GALM: variants seen among roughly 807,000 people sequenced by gnomAD.
GALM encodes aldose 1-epimerase.
A neutral mutation model predicts 37.4 loss-of-function variants in GALM; 43 were observed. That is an observed-to-expected ratio of 1.15 (90% confidence interval 0.90 to 1.48). The LOEUF is 1.48. GALM is among the 40% of genes most tolerant of loss of function. The pLI is 0.00. For missense variants in GALM, 456 were observed against 419.1 expected (o/e 1.09, Z -0.77); for synonymous variants, 199 against 170.6 (o/e 1.17, Z -1.30).
intron 1 of GALM, among the ~76,000 whole-genome samples, chr2:38,670,741 A>G (rs1265037702): frequency 6.6e-6 from 1 of 152,156 alleles, no homozygotes; most frequent in Admixed American, 6.6e-5. Context: ...ACTCTACTAG[A>G]ACTTTTTATT....
intron 4 of GALM, among the ~76,000 whole-genome samples, chr2:38,707,469 T>G (rs879214072): frequency 1.3e-5 from 2 of 152,066 alleles, no homozygotes; most frequent in Admixed American, 1.3e-4. Flanking sequence ...TGTCTAGAAG[T>G]CTTGGAGTGA....
chr2:38,690,511 A>T (rs1305342872), intron 4 of GALM, among the ~76,000 whole-genome samples: 2 of 151,984 alleles, frequency 1.3e-5, no homozygotes, highest in Admixed American at 1.3e-4. Context: ...ATCTCAGCTC[A>T]CTGCTGCCTA....
At position 38,693,029 on chromosome 2, in the gene GALM, T is replaced by G. The variant is rs536819569; in HGVS notation, c.634+3135T>G. On this transcript the variant is annotated intron_variant, in intron 4 of 6. Transcript: ENST00000272252. ...TGTACCAGGCTCTGTGGAACTGCAATCCCTAGGGTGGCCCTGGGTGGCCCC... is the reference window on the plus strand; with the variant it reads ...TGTACCAGGCTCTGTGGAACTGCAAGCCCTAGGGTGGCCCTGGGTGGCCCC... 2.6e-5 allele frequency among the ~76,000 whole-genome samples: 4 copies of G among 152,218 alleles called. No individual in the cohort carries two copies. The East Asian group carries it at 7.7e-4, about 29-fold the overall frequency.
At chr2:38,731,390 C>CT (rs1447109522) in intron 5 of GALM, among the ~76,000 whole-genome samples, 1 of 91,970 alleles carries the variant, frequency 1.1e-5, no homozygotes, top group Non-Finnish European at 2.1e-5. Context: ...GAGAAAGACT[C>CT]TATTTCAAAA....
chr2:38,702,393 C>T (rs1254538037), intron 4 of GALM, among the ~76,000 whole-genome samples: 16 of 151,666 alleles, frequency 1.1e-4, no homozygotes, highest in Admixed American at 9.2e-4. Flanking sequence ...GGTCAAAAAA[C>T]AAAAACAAAA....
At chr2:38,725,962 T>G (rs1006376362) in intron 4 of GALM, among the ~76,000 whole-genome samples, 2 of 152,008 alleles carry the variant, frequency 1.3e-5, no homozygotes, top group African/African-American at 4.8e-5. Context: ...TCCGCCCACC[T>G]CAGCCTCCCA....
intron 4 of GALM, among the ~76,000 whole-genome samples, chr2:38,707,778 C>G (rs2148446690): frequency 6.6e-6 from 1 of 152,120 alleles, no homozygotes; most frequent in South Asian, 2.1e-4. Context: ...GCCAGGAGTT[C>G]AGGACACAGC....
intron 3 of GALM, 80 bp from the exon 4 acceptor site, chr2:38,689,733 C>T: frequency 9.5e-6 from 8 of 846,404 alleles, no homozygotes; most frequent in Non-Finnish European, 1.5e-5. Flanking sequence ...TGCCTGAAAA[C>T]ATTTTTGCAA....
At chr2:38,693,388 C>A (rs946035453) in intron 4 of GALM, among the ~76,000 whole-genome samples, 3 of 150,678 alleles carry the variant, frequency 2.0e-5, no homozygotes, top group African/African-American at 7.3e-5. Flanking sequence ...GAGGCTGAGG[C>A]AGGAGAATCG....
At chr2:38,689,425 C>T (rs1310372755) in intron 3 of GALM, among the ~76,000 whole-genome samples, 1 of 152,156 alleles carries the variant, frequency 6.6e-6, no homozygotes, top group Non-Finnish European at 1.5e-5. Flanking sequence ...GGAGCAGTAC[C>T]CTGACCTCTC....
chr2:38,714,239 G>A lies in GALM; in HGVS notation c.635-15317G>A, dbSNP rs145240370. On this transcript the variant is annotated intron_variant, in intron 4 of 6. Coordinates refer to ENST00000272252, the MANE Select transcript of GALM (RefSeq NM_138801.3). The stretch of plus-strand genomic sequence containing the variant: ...GGGGGGGTTGTTGTTTTTTGAGATG[G>A]AGTCTTGCTCTGTTGCCCAGGCGGG... Among the ~76,000 whole-genome samples the A allele has an allele frequency of 9.6e-3, 1,459 of 152,020 alleles. 31 individuals carry two copies. Among genetic ancestry groups the A allele is most frequent in the African/African-American group, 0.034 (1,397 of 41,454 alleles).
intron 1 of GALM, among the ~76,000 whole-genome samples, chr2:38,671,608 A>G (rs943758362): frequency 6.6e-6 from 1 of 152,226 alleles, no homozygotes; most frequent in Non-Finnish European, 1.5e-5. Flanking sequence ...ACAAAGCCAA[A>G]GCGTATCAGT....
intron 4 of GALM, among the ~76,000 whole-genome samples, chr2:38,724,708 C>T (rs1666451258): frequency 6.6e-6 from 1 of 152,132 alleles, no homozygotes; most frequent in Non-Finnish European, 1.5e-5. Context: ...CTTTGTCATG[C>T]TTAAAGTCTT....
chr2:38,691,230 C>G (rs930944684), intron 4 of GALM, among the ~76,000 whole-genome samples: 11 of 152,192 alleles, frequency 7.2e-5, no homozygotes, highest in Non-Finnish European at 1.5e-5. Context: ...ATAAAATCTT[C>G]TCATGCTATC....
intron 4 of GALM, among the ~76,000 whole-genome samples, chr2:38,712,121 C>T (rs1433759436): frequency 6.6e-6 from 1 of 152,160 alleles, no homozygotes; most frequent in African/African-American, 2.4e-5. Flanking sequence ...TAAATTTCTT[C>T]TTTTAGTCAG....
chr2:38,678,735 G>C (rs142213870), intron 2 of GALM, among the ~76,000 whole-genome samples: 1 of 152,106 alleles, frequency 6.6e-6, no homozygotes, highest in East Asian at 1.9e-4. Flanking sequence ...AGAGACCTCC[G>C]TTCCTGCTGG....
intron 3 of GALM, among the ~76,000 whole-genome samples, chr2:38,683,994 G>T: frequency 6.6e-6 from 1 of 152,286 alleles, no homozygotes; most frequent in South Asian, 2.1e-4. Flanking sequence ...ACTCCGGTAG[G>T]AGTGGATGAT....
chr2:38,717,077 C>T (rs1174879531), intron 4 of GALM, among the ~76,000 whole-genome samples: 1 of 151,860 alleles, frequency 6.6e-6, no homozygotes, highest in Non-Finnish European at 1.5e-5. Flanking sequence ...ATGGCAAAAC[C>T]TCGTCTCTAC....
At chr2:38,670,215 C>A (rs1665058046) in intron 1 of GALM, among the ~76,000 whole-genome samples, 1 of 152,172 alleles carries the variant, frequency 6.6e-6, no homozygotes, top group Non-Finnish European at 1.5e-5. Context: ...TGATTTCTTT[C>A]AAAGCCTGTG....
Sources: gnomAD v4.1 joint callset for allele counts (sites outside exome capture counted in the v4.1 genomes callset) on GRCh38, gnomAD v4.1.1 for gene constraint, MANE v1.5 for transcripts, NCBI Gene and HGNC (gene_info 2026-07-23, HGNC 2026-07-21) for gene names.